CHCHD6: variants seen among roughly 807,000 people sequenced by gnomAD.
The protein encoded by CHCHD6 is coiled-coil-helix-coiled-coil-helix domain containing 6, also known as MICOS complex subunit MIC25.
In CHCHD6, 28 loss-of-function variants were observed where a neutral mutation model predicts 32.3. That is an observed-to-expected ratio of 0.87 (90% CI 0.64 to 1.19). The LOEUF (loss-of-function observed/expected upper bound fraction) is 1.19, where lower values mean the gene tolerates loss of function less well. Ranked by LOEUF, CHCHD6 falls within the 50% of genes most tolerant of loss-of-function variation. CHCHD6 has a pLI of 0.00. For missense variants in CHCHD6, 333 were observed against 307.0 expected, an observed-to-expected ratio of 1.08 and a Z score of -0.63; for synonymous variants, 122 against 117.5, an observed-to-expected ratio of 1.04 and a Z score of -0.25.
chr3:126,736,462 T>C (rs1374109007), intron 4 of CHCHD6, among the ~76,000 whole-genome samples: 2 of 152,226 alleles, frequency 1.3e-5, no homozygotes, highest in Non-Finnish European at 2.9e-5. Flanking sequence ...GAGGATTTCC[T>C]GTTGTACTGA....
At chr3:126,923,729 G>A (rs1044648672) in intron 6 of CHCHD6, among the ~76,000 whole-genome samples, 2 of 152,226 alleles carry the variant, frequency 1.3e-5, no homozygotes, top group Admixed American at 1.3e-4. Flanking sequence ...ACTTCTAAAG[G>A]TTGTTTTGAG....
chr3:126,934,570 A>T (rs1553759794), intron 6 of CHCHD6, among the ~76,000 whole-genome samples: 1 of 86,616 alleles, frequency 1.2e-5, no homozygotes. Flanking sequence ...TTTTTTTGAG[A>T]CTGAGTCTCG....
chr3:126,750,086 C>T (rs890136417), intron 4 of CHCHD6, among the ~76,000 whole-genome samples: 4 of 152,188 alleles, frequency 2.6e-5, no homozygotes, highest in Non-Finnish European at 4.4e-5. Flanking sequence ...CAGAACCTGT[C>T]TTCTCTCCAT....
chr3:126,785,184 G>A (rs1333836778), intron 4 of CHCHD6, among the ~76,000 whole-genome samples: 1 of 152,050 alleles, frequency 6.6e-6, no homozygotes, highest in African/African-American at 2.4e-5. Context: ...GGTGGTGACT[G>A]TCCTTTTCAT....
At chr3:126,765,571 G>A (rs1328750957) in intron 4 of CHCHD6, among the ~76,000 whole-genome samples, 1 of 152,200 alleles carries the variant, frequency 6.6e-6, no homozygotes, top group Non-Finnish European at 1.5e-5. Flanking sequence ...ATCCAGGTAG[G>A]GGAAAAAAGG....
intron 4 of CHCHD6, among the ~76,000 whole-genome samples, chr3:126,771,358 C>A (rs1937539746): frequency 6.6e-6 from 1 of 152,024 alleles, no homozygotes; most frequent in Non-Finnish European, 1.5e-5. Flanking sequence ...GCATGTACCA[C>A]CACGCCCGGC....
chr3:126,948,023 C>T (rs1008519314), intron 6 of CHCHD6, among the ~76,000 whole-genome samples: 13 of 152,164 alleles, frequency 8.5e-5, no homozygotes, highest in Non-Finnish European at 1.8e-4. Flanking sequence ...TGCTGATGTG[C>T]GCCTGGGCCC....
intron 6 of CHCHD6, among the ~76,000 whole-genome samples, chr3:126,920,005 G>A (rs1559922904): frequency 6.6e-6 from 1 of 151,418 alleles, no homozygotes; most frequent in African/African-American, 2.4e-5. Context: ...CTTTTCTAAG[G>A]TTATATGTAT....
intron 4 of CHCHD6, among the ~76,000 whole-genome samples, chr3:126,843,078 A>G (rs1941164378): frequency 6.6e-6 from 1 of 152,080 alleles, no homozygotes; most frequent in Admixed American, 6.5e-5. Context: ...GTCCTTCATC[A>G]AGTTGAGGAA....
At chr3:126,805,713 T>C (rs1379921996) in intron 4 of CHCHD6, among the ~76,000 whole-genome samples, 4 of 152,288 alleles carry the variant, frequency 2.6e-5, no homozygotes, top group South Asian at 4.1e-4. Context: ...TTAAAGTTCA[T>C]ATGGAACCAA....
chr3:126,818,846 C>A (rs150278123), intron 4 of CHCHD6, among the ~76,000 whole-genome samples: 3 of 152,344 alleles, frequency 2.0e-5, no homozygotes, highest in East Asian at 3.9e-4. Flanking sequence ...TTAAAGCAGG[C>A]CTGATGTGAG....
chr3:126,803,912 C>T (rs1939214944), intron 4 of CHCHD6, among the ~76,000 whole-genome samples: 1 of 152,226 alleles, frequency 6.6e-6, no homozygotes, highest in Admixed American at 6.5e-5. Flanking sequence ...AAGAAACTCA[C>T]TCAAAACCGC....
intron 2 of CHCHD6, among the ~76,000 whole-genome samples, chr3:126,727,871 C>T (rs1935609556): frequency 1.3e-5 from 2 of 152,040 alleles, no homozygotes; most frequent in South Asian, 2.1e-4. Flanking sequence ...CTAAGGCATA[C>T]AAATGTTAAA....
At chr3:126,731,889 A>G (rs1935817263) in intron 3 of CHCHD6, among the ~76,000 whole-genome samples, 1 of 152,106 alleles carries the variant, frequency 6.6e-6, no homozygotes, top group Non-Finnish European at 1.5e-5. Context: ...CAGTCTGGGC[A>G]ACATAGTGAG....
At chr3:126,910,413 C>G (rs767361826) in intron 5 of CHCHD6, among the ~76,000 whole-genome samples, 68 of 152,358 alleles carry the variant, frequency 4.5e-4, no homozygotes, top group Non-Finnish European at 8.7e-4. Flanking sequence ...CCCCTCCTGG[C>G]CGTTGCCCTG....
chr3:126,743,773 A>G (rs1372332968), intron 4 of CHCHD6, among the ~76,000 whole-genome samples: 1 of 152,136 alleles, frequency 6.6e-6, no homozygotes, highest in Admixed American at 6.5e-5. Context: ...GCAGCAGGTG[A>G]CACCGTCCCT....
At chr3:126,740,120 C>T (rs1344826796) in intron 4 of CHCHD6, among the ~76,000 whole-genome samples, 2 of 152,170 alleles carry the variant, frequency 1.3e-5, no homozygotes, top group Non-Finnish European at 2.9e-5. Flanking sequence ...CAAACCCATT[C>T]TGTTTGTCAG....
chr3:126,704,492 G>A, intron 1 of CHCHD6, 93 bp downstream of exon 1: 1 of 753,110 alleles, frequency 1.3e-6, no homozygotes, highest in Non-Finnish European at 1.9e-6. Context: ...CTCTTTCCAC[G>A]CGTGAGGGGC....
intron 4 of CHCHD6, among the ~76,000 whole-genome samples, chr3:126,818,756 G>A (rs1329268199): frequency 2.0e-5 from 3 of 152,168 alleles, no homozygotes; most frequent in Non-Finnish European, 4.4e-5. Flanking sequence ...CTGGCCCTTT[G>A]CATCTCCCCA....
Sources: gnomAD v4.1 joint callset for allele counts (sites outside exome capture counted in the v4.1 genomes callset) on GRCh38, gnomAD v4.1.1 for gene constraint, MANE v1.5 for transcripts, NCBI Gene and HGNC (gene_info 2026-07-23, HGNC 2026-07-21) for gene names.